AEBP2: variants seen among roughly 807,000 people sequenced by gnomAD.
The protein encoded by AEBP2 is zinc finger protein AEBP2.
Under a neutral mutation model 50.8 loss-of-function variants are expected in AEBP2, and 10 were observed. That is an observed-to-expected ratio of 0.20 (90% CI 0.12 to 0.33). The LOEUF (loss-of-function observed/expected upper bound fraction) is 0.33, where lower values mean the gene tolerates loss of function less well. Among genes scored for constraint, AEBP2 ranks in the 10% least tolerant of loss-of-function variants. AEBP2 has a pLI of 1.00. For synonymous variants in AEBP2, 296 were observed against 261.3 expected (o/e 1.13, Z -1.28); for missense variants, 570 against 688.0 (o/e 0.83, Z 1.92).
chr12:19,512,792 A>T (rs2120607355), intron 6 of AEBP2, among the ~76,000 whole-genome samples: 1 of 152,110 alleles, frequency 6.6e-6, no homozygotes, highest in South Asian at 2.1e-4. Context: ...TACTAAAAAT[A>T]CAAAAATTAG....
chr12:19,480,512 G>T (rs933519743), intron 3 of AEBP2, among the ~76,000 whole-genome samples: 1 of 152,146 alleles, frequency 6.6e-6, no homozygotes, highest in Non-Finnish European at 1.5e-5. Context: ...CTTAGCCTTT[G>T]TCTGAAAAAG....
At position 19,517,161 on chromosome 12, in the gene AEBP2, A is replaced by G. The variant is rs950995701; in HGVS notation, c.1482-926A>G. Among the ~76,000 whole-genome samples, 10 of 152,342 alleles carry G rather than the reference A, an allele frequency of 6.6e-5. No homozygotes were observed. The East Asian group carries it at 1.2e-3, about 18-fold the overall frequency. The stretch of plus-strand genomic sequence containing the variant: ...GCCCCTACATTTGTCCTAGTGTACA[A>G]TCTTTTCTTAAATTTCTGGATTTTG... On this transcript the variant is annotated intron_variant, in intron 7 of 7. Coordinates refer to ENST00000266508, the MANE Select transcript of AEBP2 (RefSeq NM_153207.5).
In AEBP2 at chr12:19,519,938, A is replaced by G. The variant is rs1429319093; in HGVS notation, c.*1821A>G. ...TATCCATTTGATCTATAGCAATGTG[A>G]TTTTATTTTTAAAAAGAAAAGCAGT... On this transcript the variant is annotated 3_prime_UTR_variant, in exon 8 of 8. Coordinates refer to ENST00000266508, the MANE Select transcript of AEBP2 (RefSeq NM_153207.5). The G allele has an allele frequency of 6.6e-6, 1 of 152,402 alleles. No individual in the cohort carries two copies. The highest frequency in any genetic ancestry group is 1.5e-5 in the Non-Finnish European group (1 of 67,938). 9.4% of individuals were successfully genotyped at this position (152,402 alleles called of 1,614,324 possible). A position where few individuals can be genotyped will look rare whatever the true frequency, so the allele number is the denominator to read the frequency against.
In AEBP2 at chr12:19,439,845, C is replaced by A. The variant is rs1367896880; in HGVS notation, c.146C>A (p.Ala49Glu). Residue 49 changes from alanine (A) to glutamate (E), a missense_variant, in exon 1 of 8, where the codon GCG becomes GAG. By Grantham distance (107) the Ala-to-Glu change is moderately radical (BLOSUM62 -1). Around this residue, in one of 2 missense-constraint regions of AEBP2, gnomAD observed 386 missense variants for 336.8 expected, o/e 1.15. Coordinates refer to ENST00000266508, the MANE Select transcript of AEBP2 (RefSeq NM_153207.5). ...GAAGAGGAGGAGGAGGAAGAGGAGG[C>A]GGAGGCCGAGGCGGTGGCGGCGCTG... ...EEEEEEEEEE[A>E]EAEAVAALLL... is the part of the protein sequence containing the mutation. 1 of 1,493,526 alleles carries A rather than the reference C, an allele frequency of 6.7e-7. No individual in the cohort carries two copies. Among genetic ancestry groups the A allele is most frequent in the Non-Finnish European group, 8.8e-7 (1 of 1,130,374 alleles). 92.5% of individuals were successfully genotyped at this position (1,493,526 alleles called of 1,614,324 possible). A position where few individuals can be genotyped will look rare whatever the true frequency, so the allele number is the denominator to read the frequency against.
At chr12:19,405,386 C>T (rs1478144590) in intron 1 of AEBP2, among the ~76,000 whole-genome samples, 5 of 150,866 alleles carry the variant, frequency 3.3e-5, no homozygotes, top group East Asian at 2.0e-4. Context: ...AGTGCAGTGG[C>T]GCGATCTCGG....
chr12:19,505,979 T>C (rs12228969), intron 5 of AEBP2, among the ~76,000 whole-genome samples: 3,259 of 151,882 alleles, frequency 0.021, 39 homozygotes, highest in East Asian at 0.042. Context: ...CTTGTAGAGA[T>C]GACATCTTGC....
intron 1 of AEBP2, among the ~76,000 whole-genome samples, chr12:19,454,798 G>A (rs999768637): frequency 9.9e-5 from 15 of 152,110 alleles, no homozygotes; most frequent in Non-Finnish European, 2.1e-4. Flanking sequence ...ACGACCCAAA[G>A]TTACCAAGGA....
intron 5 of AEBP2, among the ~76,000 whole-genome samples, chr12:19,500,614 G>A (rs1186846780): frequency 1.3e-5 from 2 of 152,146 alleles, no homozygotes; most frequent in Non-Finnish European, 2.9e-5. Context: ...TCTGTGTACT[G>A]CATGGAGCCA....
intron 1 of AEBP2, among the ~76,000 whole-genome samples, chr12:19,443,654 C>A (rs867861081): frequency 6.6e-5 from 10 of 151,894 alleles, no homozygotes; most frequent in Non-Finnish European, 1.3e-4. Context: ...ATCTGGGAGG[C>A]GGAGGTTACA....
At chr12:19,480,019 C>T (rs1241438935) in intron 3 of AEBP2, among the ~76,000 whole-genome samples, 1 of 151,680 alleles carries the variant, frequency 6.6e-6, no homozygotes, top group African/African-American at 2.4e-5. Flanking sequence ...ATTCATCATG[C>T]TTGTTGTTGC....
intron 5 of AEBP2, among the ~76,000 whole-genome samples, chr12:19,502,817 CTTGTA>C (rs761858029): frequency 4.6e-5 from 7 of 151,644 alleles, no homozygotes; most frequent in Non-Finnish European, 7.4e-5. Flanking sequence ...CCTGGCTAAT[CTTGTA>C]TTTTTAGTAG....
At chr12:19,485,048 A>G (rs1322203900) in intron 3 of AEBP2, among the ~76,000 whole-genome samples, 2 of 152,178 alleles carry the variant, frequency 1.3e-5, no homozygotes, top group Non-Finnish European at 2.9e-5. Context: ...ATAAGAGATT[A>G]TTTATTAAAG....
chr12:19,442,458 A>G (rs1232032502), intron 1 of AEBP2, among the ~76,000 whole-genome samples: 1 of 152,190 alleles, frequency 6.6e-6, no homozygotes, highest in Admixed American at 6.5e-5. Flanking sequence ...GTTAGTGTCC[A>G]TTTACTACAT....
intron 3 of AEBP2, among the ~76,000 whole-genome samples, chr12:19,490,346 A>C (rs1244094392): frequency 1.3e-5 from 2 of 152,172 alleles, no homozygotes; most frequent in African/African-American, 2.4e-5. Context: ...CATTAGGGTA[A>C]TTAAACACTC....
intron 4 of AEBP2, among the ~76,000 whole-genome samples, chr12:19,498,398 T>C (rs1307060804): frequency 6.6e-6 from 1 of 152,210 alleles, no homozygotes; most frequent in Non-Finnish European, 1.5e-5. Flanking sequence ...TGGTGTTTTG[T>C]TTATTTTTTC....
At chr12:19,476,771 C>T (rs1270663871) in intron 3 of AEBP2, among the ~76,000 whole-genome samples, 6 of 152,092 alleles carry the variant, frequency 3.9e-5, no homozygotes, top group African/African-American at 1.4e-4. Flanking sequence ...GCTCTTTTTG[C>T]TTAGTCTTGC....
chr12:19,461,294 G>T (rs1298154624), intron 1 of AEBP2, among the ~76,000 whole-genome samples: 2 of 152,010 alleles, frequency 1.3e-5, no homozygotes, highest in Non-Finnish European at 2.9e-5. Context: ...TTATTGAGAA[G>T]ATTTTGAAAA....
chr12:19,418,129 G>A (rs955180390), intron 1 of AEBP2, among the ~76,000 whole-genome samples: 2 of 152,098 alleles, frequency 1.3e-5, no homozygotes, highest in African/African-American at 2.4e-5. Context: ...GTCTCTAAGG[G>A]TGACCCTCTA....
rs369410408 is a variant in AEBP2, at chr12:19,479,717, GTTTTTTTTTTTTTTTTTT to G, written c.987+6376_987+6393del. On this transcript the variant is annotated intron_variant, in intron 3 of 7. Transcript: ENST00000266508. ...ATTATTTAATGTCACCTCTTTGTGG[GTTTTTTTTTTTTTTTTTT>G]TTTTTTTTTTTTTACTATTGTTGCT... Among the ~76,000 whole-genome samples, 4 of 22,314 alleles carry G rather than the reference GTTTTTTTTTTTTTTTTTT, an allele frequency of 1.8e-4. 1 individual carries two copies. Among genetic ancestry groups the G allele is most frequent in the South Asian group, 2.1e-3 (2 of 942 alleles). The allele number at this position is 22,314 out of a possible 152,430, so 14.6% of individuals were successfully genotyped here.
Sources: gnomAD v4.1 joint callset for allele counts (sites outside exome capture counted in the v4.1 genomes callset) on GRCh38, gnomAD v4.1.1 for gene constraint, gnomAD v4.1.1 regional missense constraint, MANE v1.5 for transcripts, NCBI Gene and HGNC (gene_info 2026-07-23, HGNC 2026-07-21) for gene names.